NBPF20: variants seen among roughly 807,000 people sequenced by gnomAD.
The protein encoded by NBPF20 is NBPF member 20, also known as NBPF family member NBPF20.
A neutral mutation model predicts 68.1 loss-of-function variants in NBPF20; 90 were observed. That is an observed-to-expected ratio of 1.32 (90% confidence interval 1.11 to 1.58). The LOEUF (loss-of-function observed/expected upper bound fraction) is 1.58. Ranked by LOEUF, NBPF20 falls within the 40% of genes most tolerant of loss-of-function variation. The pLI is 0.00. For missense variants in NBPF20, 816 were observed against 601.2 expected (o/e 1.36, Z -3.74); for synonymous variants, 290 against 228.1 (o/e 1.27, Z -2.45).
chr1:145,395,221 T>G, intron 7 of NBPF20, 80 bp from the exon 13 acceptor site: 1 of 861,998 alleles, frequency 1.2e-6, no homozygotes, highest in Non-Finnish European at 1.9e-6. Flanking sequence ...GATGATCTGA[T>G]GGGAGACAGA....
the NBPF20 span, among the ~76,000 whole-genome samples, chr1:145,410,811 T>C: frequency 2.0e-5 from 1 of 49,690 alleles, no homozygotes; most frequent in East Asian, 5.4e-4. Flanking sequence ...TATGTATATA[T>C]ATACGTATAT....
exon 138 of NBPF20, chr1:145,291,394 T>G: frequency 1.3e-6 from 2 of 1,581,736 alleles, no homozygotes; most frequent in Non-Finnish European, 1.7e-6. Flanking sequence ...GGTTTGAGAA[T>G]AGGAATACAG....
chr1:145,424,462 A>G, the NBPF20 span, among the ~76,000 whole-genome samples: 1 of 152,240 alleles, frequency 6.6e-6, no homozygotes, highest in Non-Finnish European at 1.5e-5. Flanking sequence ...ATATCAGCTC[A>G]GAACAAAAAC....
chr1:145,424,006 C>T, the NBPF20 span, among the ~76,000 whole-genome samples: 16 of 146,358 alleles, frequency 1.1e-4, no homozygotes, highest in African/African-American at 4.0e-4. Flanking sequence ...GACAGGGTCT[C>T]ACTCTGCCAC....
intron 8 of NBPF20, 89 bp downstream of exon 13, chr1:145,394,889 A>G (rs1334374494): frequency 2.0e-6 from 3 of 1,490,932 alleles, no homozygotes. Flanking sequence ...GGCAAATCTC[A>G]GCCCAACAAG....
the NBPF20 span, among the ~76,000 whole-genome samples, chr1:145,416,978 CA>C: frequency 6.9e-6 from 1 of 145,002 alleles, no homozygotes; most frequent in South Asian, 2.5e-4. Flanking sequence ...CACACATTTC[CA>C]AGTGTTACTA....
At chr1:145,393,416 A>G (rs1387703550) in intron 9 of NBPF20, among the ~76,000 whole-genome samples, 170 bp from the exon 15 acceptor site, 2 of 151,256 alleles carry the variant, frequency 1.3e-5, no homozygotes, top group African/African-American at 2.4e-5. Flanking sequence ...GGCCAGGTAG[A>G]AAAGGATGAA....
the NBPF20 span, among the ~76,000 whole-genome samples, chr1:145,412,640 T>C: frequency 6.7e-6 from 1 of 148,934 alleles, no homozygotes. Context: ...CGAAGAAAAC[T>C]CAGCTAAGCA....
rs587750539 is a variant in NBPF20 at position 145,292,004 on chromosome 1, C to T, written c.16698-235G>A. 7.3e-5 allele frequency among the ~76,000 whole-genome samples: 11 copies of T among 149,794 alleles called. No homozygotes were observed. The South Asian group carries it at 2.1e-3, about 28-fold the overall frequency. ...AGAGACAGAGAGAGAGAGAAAGTGA[C>T]CTAGTGAATTGCCCAGGTGACATAC... is the stretch of plus-strand genomic sequence containing the variant. On this transcript the variant is annotated intron_variant, in intron 137 of 137. Coordinates refer to ENST00000369373, the Ensembl canonical transcript of NBPF20.
chr1:145,352,346 C>CACACACACAGAG (rs1661660625), intron 61 of NBPF20, among the ~76,000 whole-genome samples: 1 of 79,300 alleles, frequency 1.3e-5, no homozygotes, highest in Non-Finnish European at 2.7e-5. Context: ...CACACACACA[C>CACACACACAGAG]AGAGAGAACG....
exon 10 of NBPF20, chr1:145,393,246 C>A: frequency 1.6e-6 from 1 of 635,658 alleles, no homozygotes. Flanking sequence ...CCCTGCTGAG[C>A]CTGGAAAAGT....
chr1:145,292,449 T>G (rs1553658233), exon 137 of NBPF20: 2 of 714,898 alleles, frequency 2.8e-6, no homozygotes, highest in East Asian at 4.9e-5. Flanking sequence ...TCTTTGATCT[T>G]CTTCCCCTTC....
chr1:145,408,411 T>A (rs1662891472), upstream of NBPF20, among the ~76,000 whole-genome samples: 1 of 151,828 alleles, frequency 6.6e-6, no homozygotes, highest in African/African-American at 2.4e-5. Flanking sequence ...AAGATTCTAC[T>A]AAAAAAAATG....
At position 145,372,500 on chromosome 1, in the gene NBPF20, TA is replaced by T; in HGVS notation, c.4369+11del. ...AGGTGGAGGCTTATCACCTTCACAG[TA>T]AGATACTCACTGTCCACGTCAAGAG... On this transcript the variant is annotated intron_variant, in intron 36 of 137. Coordinates refer to ENST00000369373, the Ensembl canonical transcript of NBPF20. The T allele has an allele frequency of 1.9e-6, 1 of 525,056 alleles. No homozygotes were observed. Among genetic ancestry groups the T allele is most frequent in the Non-Finnish European group, 3.2e-6 (1 of 313,262 alleles). The allele number at this position is 525,056 out of a possible 1,614,324, so 32.5% of individuals were successfully genotyped here.
At position 145,395,044 on chromosome 1, in the gene NBPF20, G is replaced by A. The variant is rs1553539958; in HGVS notation, c.925C>T (p.Gln309Ter). ...GAGTGAAATGTGCTGCTGTAAGACTGGTACGAGGCCAACATTTCAGGAGGA... is the reference window on the plus strand; with the variant it reads ...GAGTGAAATGTGCTGCTGTAAGACTAGTACGAGGCCAACATTTCAGGAGGA... Residue 309 changes from glutamine (Q) to a stop codon, truncating the protein, a stop_gained, in exon 8 of 138, where the codon CAG (glutamine) becomes TAG (stop). Coordinates refer to ENST00000369373, the Ensembl canonical transcript of NBPF20. LOFTEE classifies it high-confidence loss of function. 1 of 1,611,448 alleles carries A rather than the reference G, an allele frequency of 6.2e-7. No individual in the cohort carries two copies.
At chr1:145,405,669 A>G, upstream of NBPF20, 1 of 555,074 alleles carries the variant, frequency 1.8e-6, no homozygotes, top group South Asian at 2.1e-5. Flanking sequence ...CCCTAGTCTC[A>G]CCTGAGGGTC....
At chr1:145,305,827 G>T in intron 120 of NBPF20, 66 bp downstream of exon 125, 1 of 161,690 alleles carries the variant, frequency 6.2e-6, no homozygotes, top group Non-Finnish European at 1.0e-5. Context: ...GCCACTTGGA[G>T]CAGGAATATG....
intron 136 of NBPF20, 102 bp from the exon 142 acceptor site, chr1:145,292,591 A>G (rs1661205025): frequency 1.3e-6 from 1 of 746,310 alleles, no homozygotes; most frequent in South Asian, 1.4e-5. Flanking sequence ...GCTCCCCAGC[A>G]TAAGAATAGG....
chr1:145,394,571 G>A (rs1274654112), intron 8 of NBPF20, among the ~76,000 whole-genome samples: 1 of 151,996 alleles, frequency 6.6e-6, no homozygotes, highest in East Asian at 1.9e-4. Context: ...CTGGCCTTGG[G>A]CGGGTAAAGA....
Sources: gnomAD v4.1 joint callset for allele counts (sites outside exome capture counted in the v4.1 genomes callset) on GRCh38, gnomAD v4.1.1 for gene constraint, MANE v1.5 for transcripts, NCBI Gene and HGNC (gene_info 2026-07-23, HGNC 2026-07-21) for gene names.